Variants in CAPZA2 observed in about 807,000 individuals in gnomAD.
CAPZA2 encodes capping actin protein of muscle Z-line subunit alpha 2.
Under a neutral mutation model 44.0 loss-of-function variants are expected in CAPZA2, and 13 were observed. The observed-to-expected ratio is 0.30, with a 90% confidence interval of 0.19 to 0.47. The LOEUF (loss-of-function observed/expected upper bound fraction) is 0.47. CAPZA2 is among the 20% of genes least tolerant of loss of function. The pLI is 1.00. For missense variants in CAPZA2, 244 were observed against 338.6 expected (o/e 0.72, Z 2.19); for synonymous variants, 94 against 108.2 (o/e 0.87, Z 0.81).
intron 3 of CAPZA2, among the ~76,000 whole-genome samples, chr7:116,894,720 C>T (rs933565426): frequency 6.6e-6 from 1 of 152,128 alleles, no homozygotes; most frequent in Non-Finnish European, 1.5e-5. Context: ...ATTTGACAAC[C>T]TAGGTACCTC....
chr7:116,912,623 T>C (rs996440890), intron 8 of CAPZA2, among the ~76,000 whole-genome samples: 2 of 152,244 alleles, frequency 1.3e-5, no homozygotes, highest in Non-Finnish European at 1.5e-5. Context: ...TCATTTAACA[T>C]GTTCAACATT....
At chr7:116,873,125 A>C (rs1204591596) in intron 1 of CAPZA2, among the ~76,000 whole-genome samples, 1 of 152,154 alleles carries the variant, frequency 6.6e-6, no homozygotes, top group Non-Finnish European at 1.5e-5. Context: ...TAGGGGCTCT[A>C]GGTAGGATTC....
At chr7:116,868,944 A>G (rs1796515501) in intron 1 of CAPZA2, among the ~76,000 whole-genome samples, 2 of 152,224 alleles carry the variant, frequency 1.3e-5, no homozygotes, top group African/African-American at 4.8e-5. Flanking sequence ...GTAAATTTGT[A>G]GTAAATTTTC....
chr7:116,864,699 A>G (rs1374216139), intron 1 of CAPZA2, among the ~76,000 whole-genome samples: 3 of 152,068 alleles, frequency 2.0e-5, no homozygotes, highest in Non-Finnish European at 4.4e-5. Context: ...CTTAAAAGTG[A>G]TATTTTAATA....
chr7:116,903,233 A>AGAGTGTGTGTGTGTGT (rs372696249), intron 4 of CAPZA2, among the ~76,000 whole-genome samples: 168 of 146,434 alleles, frequency 1.1e-3, no homozygotes, highest in African/African-American at 4.0e-3. Flanking sequence ...TGCAGAGAAG[A>AGAGTGTGTGTGTGTGT]GTGTGTGTGT....
chr7:116,897,549 G>T (rs1796943812), intron 3 of CAPZA2, among the ~76,000 whole-genome samples: 1 of 152,114 alleles, frequency 6.6e-6, no homozygotes, highest in Non-Finnish European at 1.5e-5. Context: ...AAATTCAGTG[G>T]ACGCCTGGCC....
intron 6 of CAPZA2, among the ~76,000 whole-genome samples, chr7:116,908,379 TC>T (rs1791544459): frequency 6.6e-6 from 1 of 152,226 alleles, no homozygotes; most frequent in African/African-American, 2.4e-5. Flanking sequence ...CTTCTTTGTC[TC>T]TACCATTTCT....
intron 1 of CAPZA2, chr7:116,886,208 T>C (rs1260795607): frequency 6.5e-6 from 1 of 154,596 alleles, no homozygotes; most frequent in Non-Finnish European, 1.5e-5. Flanking sequence ...TATATGCACT[T>C]TTTAGGTGAG....
intron 8 of CAPZA2, among the ~76,000 whole-genome samples, chr7:116,914,069 C>T (rs546901135): frequency 1.3e-4 from 20 of 150,178 alleles, no homozygotes; most frequent in African/African-American, 4.7e-4. Flanking sequence ...GCTCTTTCGC[C>T]CAGGCTGGAC....
intron 1 of CAPZA2, among the ~76,000 whole-genome samples, chr7:116,865,861 A>G (rs1796476985): frequency 1.3e-5 from 2 of 152,146 alleles, no homozygotes; most frequent in Admixed American, 6.5e-5. Context: ...GATTACGGGC[A>G]TGAGCCATGA....
chr7:116,882,039 CAG>C (rs1189801985), intron 1 of CAPZA2, among the ~76,000 whole-genome samples: 44 of 152,168 alleles, frequency 2.9e-4, no homozygotes, highest in Non-Finnish European at 4.0e-4. Flanking sequence ...TATATACTCT[CAG>C]GGGGCACTTG....
chr7:116,911,944 G>T (rs1014151717), intron 7 of CAPZA2, 125 bp from the exon 8 acceptor site: 20 of 1,485,264 alleles, frequency 1.3e-5, no homozygotes, highest in Admixed American at 2.4e-5. Context: ...AAAGTTTTGG[G>T]GCTCAGCAGA....
At chr7:116,887,879 G>A (rs1324325581) in intron 1 of CAPZA2, among the ~76,000 whole-genome samples, 1 of 152,158 alleles carries the variant, frequency 6.6e-6, no homozygotes, top group African/African-American at 2.4e-5. Flanking sequence ...TTGTTTATCT[G>A]TAAGCAGCTT....
At chr7:116,899,631 A>G (rs1349773025) in intron 4 of CAPZA2, among the ~76,000 whole-genome samples, 1 of 144,328 alleles carries the variant, frequency 6.9e-6, no homozygotes, top group Non-Finnish European at 1.5e-5. Context: ...TTAATCTGCA[A>G]AATTTATTTT....
chr7:116,884,024 TAAC>T (rs1796731543), intron 1 of CAPZA2, among the ~76,000 whole-genome samples: 2 of 152,118 alleles, frequency 1.3e-5, no homozygotes, highest in African/African-American at 2.4e-5. Flanking sequence ...AAATACTTCC[TAAC>T]AACTCCTTCT....
At chr7:116,874,104 GC>G (rs1796588847) in intron 1 of CAPZA2, 1 of 153,686 alleles carries the variant, frequency 6.5e-6, no homozygotes, top group Non-Finnish European at 1.5e-5. Context: ...ATCACTCAAG[GC>G]CAAAGGCAAC....
In CAPZA2 at chr7:116,879,145, A is replaced by AAG. The variant is rs1554408638; in HGVS notation, c.40-8981_40-8980insGA. On this transcript the variant is annotated intron_variant, in intron 1 of 9. Coordinates refer to ENST00000361183, the MANE Select transcript of CAPZA2 (RefSeq NM_006136.3). ...GTCTCAAAAAAAAAAAAAAAAAAAA[A>AAG]AAAAGAAAAGAATACTGGGACTATG... 1.9e-4 allele frequency among the ~76,000 whole-genome samples: 29 copies of AAG among 150,150 alleles called. No homozygotes were observed. The East Asian group carries it at 4.1e-3, about 21-fold the overall frequency.
chr7:116,883,614 C>T (rs1023406723), intron 1 of CAPZA2, among the ~76,000 whole-genome samples: 6 of 152,174 alleles, frequency 3.9e-5, no homozygotes, highest in Non-Finnish European at 1.5e-5. Context: ...GTACTTTTGA[C>T]CCACCATTCA....
intron 1 of CAPZA2, among the ~76,000 whole-genome samples, chr7:116,865,013 CTTAA>C (rs940209117): frequency 6.6e-6 from 1 of 151,914 alleles, no homozygotes; most frequent in Admixed American, 6.6e-5. Flanking sequence ...ACATTCATTA[CTTAA>C]TTTGTTGTTG....
Sources: allele counts gnomAD v4.1 joint callset (sites outside exome capture counted in the v4.1 genomes callset), GRCh38; gene constraint gnomAD v4.1.1; transcripts MANE v1.5; gene names NCBI Gene and HGNC (gene_info 2026-07-23, HGNC 2026-07-21).